GLIPR1L2: variants seen among roughly 807,000 people sequenced by gnomAD.
GLIPR1L2 encodes the protein GLIPR1 like 2.
Under a neutral mutation model 28.4 loss-of-function variants are expected in GLIPR1L2, and 21 were observed. That is an observed-to-expected ratio of 0.74 (90% CI 0.52 to 1.06). GLIPR1L2 has a LOEUF of 1.06. Among genes scored for constraint, GLIPR1L2 ranks in the 50% least tolerant of loss-of-function variants. The pLI, the probability that GLIPR1L2 is intolerant of heterozygous loss-of-function variation, is 0.00. For missense variants in GLIPR1L2, 476 were observed against 416.9 expected (o/e 1.14, Z -1.23); for synonymous variants, 145 against 139.3 (o/e 1.04, Z -0.29).
At chr12:75,397,876 C>T (rs1303437280) in intron 1 of GLIPR1L2, among the ~76,000 whole-genome samples, 2 of 152,160 alleles carry the variant, frequency 1.3e-5, no homozygotes, top group East Asian at 1.9e-4. Context: ...TCTATGGCTA[C>T]ATCTTCTTCC....
rs2046091964 is a variant in GLIPR1L2 at position 75,431,391 on chromosome 12, A to G, written c.*230A>G. 2.5e-6 allele frequency: 1 copy of G among 397,198 alleles called. No individual in the cohort carries two copies. The highest frequency in any genetic ancestry group is 2.1e-5 in the African/African-American group (1 of 48,532). The allele number at this position is 397,198 out of a possible 1,614,324, so 24.6% of individuals were successfully genotyped here. A position where few individuals can be genotyped will look rare whatever the true frequency, so the allele number is the denominator to read the frequency against. On this transcript the variant is annotated 3_prime_UTR_variant, in exon 6 of 6. Coordinates refer to ENST00000550916, the MANE Select transcript of GLIPR1L2 (RefSeq NM_001270396.2). Reference sequence around the variant, plus strand: ...TAAGGTGGGCTCTTTGACACTAAGAACAGATAAAGACATGACAGGAAAAAC... The same window carrying G: ...TAAGGTGGGCTCTTTGACACTAAGAGCAGATAAAGACATGACAGGAAAAAC...
chr12:75,401,629 G>A (rs771258072), intron 1 of GLIPR1L2, among the ~76,000 whole-genome samples: 28 of 151,924 alleles, frequency 1.8e-4, no homozygotes, highest in Non-Finnish European at 3.4e-4. Context: ...TCTGTTTTAT[G>A]CTCATAAAGA....
chr12:75,391,404 C>G, intron 1 of GLIPR1L2, 54 bp downstream of exon 1: 1 of 1,603,290 alleles, frequency 6.2e-7, no homozygotes, highest in South Asian at 1.1e-5. Flanking sequence ...CACAACGCCT[C>G]CCTGGATCTC....
intron 1 of GLIPR1L2, among the ~76,000 whole-genome samples, chr12:75,398,013 A>G (rs2045698712): frequency 6.9e-6 from 1 of 144,382 alleles, no homozygotes; most frequent in African/African-American, 2.6e-5. Flanking sequence ...CCTTCCTTTG[A>G]GCTCAGCTGT....
At chr12:75,423,465 A>G in intron 4 of GLIPR1L2, 1 of 877,962 alleles carries the variant, frequency 1.1e-6, no homozygotes, top group Non-Finnish European at 1.4e-6. Flanking sequence ...GTTTTTCCAA[A>G]CATGAGAGAA....
At chr12:75,423,270 C>T in intron 4 of GLIPR1L2, 4 of 1,225,786 alleles carry the variant, frequency 3.3e-6, no homozygotes, top group Non-Finnish European at 4.1e-6. Flanking sequence ...AAAAGCTTCA[C>T]AGTTTATGCC....
intron 2 of GLIPR1L2, among the ~76,000 whole-genome samples, chr12:75,410,999 A>G (rs887204669): frequency 4.0e-5 from 6 of 151,896 alleles, no homozygotes; most frequent in South Asian, 2.1e-4. Context: ...ATGATTGACT[A>G]TAAACATATG....
At chr12:75,401,571 C>T (rs1027937033) in intron 1 of GLIPR1L2, among the ~76,000 whole-genome samples, 9 of 151,766 alleles carry the variant, frequency 5.9e-5, no homozygotes, top group South Asian at 4.1e-4. Context: ...TATATAGCAA[C>T]GAACAAATAA....
intron 1 of GLIPR1L2, among the ~76,000 whole-genome samples, chr12:75,395,852 T>G (rs1481243402): frequency 6.6e-6 from 1 of 152,012 alleles, no homozygotes; most frequent in East Asian, 1.9e-4. Flanking sequence ...CTGTTGTTTT[T>G]CTGTTCTCTA....
At chr12:75,400,399 G>C (rs912243193) in intron 1 of GLIPR1L2, among the ~76,000 whole-genome samples, 2 of 152,184 alleles carry the variant, frequency 1.3e-5, no homozygotes, top group African/African-American at 4.8e-5. Context: ...TGGGATTACA[G>C]GCGTGAGCCA....
chr12:75,425,385 A>C (rs1196181585), intron 4 of GLIPR1L2, among the ~76,000 whole-genome samples: 2 of 152,166 alleles, frequency 1.3e-5, no homozygotes, highest in Non-Finnish European at 2.9e-5. Context: ...GCAATCACAC[A>C]TGAGGTGTCT....
Position 75,431,421 on chromosome 12 carries a change from A to G in GLIPR1L2, c.*260A>G. 2.9e-6 allele frequency: 1 copy of G among 340,354 alleles called. No homozygotes were observed. Among genetic ancestry groups the G allele is most frequent in the Non-Finnish European group, 5.3e-6 (1 of 189,514 alleles). 21.1% of individuals were successfully genotyped at this position (340,354 alleles called of 1,614,324 possible). On this transcript the variant is annotated 3_prime_UTR_variant, in exon 6 of 6. Coordinates refer to ENST00000550916, the MANE Select transcript of GLIPR1L2 (RefSeq NM_001270396.2). ...TAAAGACATGACAGGAAAAACACTG[A>G]AAAACATTTGACCAGTCTAATTAAT... is the stretch of plus-strand genomic sequence containing the variant.
In GLIPR1L2 at chr12:75,413,614, C is replaced by G. The variant is rs200975261; in HGVS notation, c.497C>G (p.Ser166Cys). The change falls in exon 3 of 6, where the codon TCT becomes TGT. Residue 166 changes from serine to cysteine, a missense_variant. Ser to Cys is a moderately radical substitution (Grantham distance 112). Transcript: ENST00000550916. The part of the protein sequence containing the change: ...SNYIQLVWDH[S>C]YKVGCAVTPC... ...TTATTTTAGCTTGTTTGGGACCACT[C>G]TTACAAAGTTGGTTGTGCTGTTACT... 1.3e-6 allele frequency: 2 copies of G among 1,553,488 alleles called. No individual in the cohort carries two copies. Among genetic ancestry groups the G allele is most frequent in the East Asian group, 2.4e-5 (1 of 41,358 alleles).
At chr12:75,401,026 T>G (rs2045735363) in intron 1 of GLIPR1L2, among the ~76,000 whole-genome samples, 1 of 151,956 alleles carries the variant, frequency 6.6e-6, no homozygotes, top group Non-Finnish European at 1.5e-5. Context: ...TCATAATGAT[T>G]TGATGTTGGT....
At chr12:75,429,340 G>A (rs1470846944) in intron 4 of GLIPR1L2, among the ~76,000 whole-genome samples, 1 of 152,206 alleles carries the variant, frequency 6.6e-6, no homozygotes, top group Non-Finnish European at 1.5e-5. Context: ...GAACTTGCAT[G>A]GGGCCTGTAG....
intron 1 of GLIPR1L2, among the ~76,000 whole-genome samples, chr12:75,392,616 C>G (rs2045638439): frequency 1.3e-5 from 2 of 151,962 alleles, no homozygotes; most frequent in African/African-American, 2.4e-5. Flanking sequence ...AACTAATTTC[C>G]CATTTTTTGT....
rs1418052918 is a variant in GLIPR1L2, at chr12:75,431,666, T to G, written c.*505T>G. 6.6e-6 allele frequency: 1 copy of G among 152,350 alleles called. No homozygotes were observed. The highest frequency in any genetic ancestry group is 1.5e-5 in the Non-Finnish European group (1 of 68,168). 9.4% of individuals were successfully genotyped at this position (152,350 alleles called of 1,614,324 possible). On this transcript the variant is annotated 3_prime_UTR_variant, in exon 6 of 6. Transcript: ENST00000550916. ...ATATTAAGGTATCTAATATTATTAT[T>G]TGTCTTTGTGGTTTTTGGAATAGTT... is the stretch of plus-strand genomic sequence containing the variant.
chr12:75,406,757 C>CAA lies in GLIPR1L2; in HGVS notation c.235-3661_235-3660dup, dbSNP rs373650750. Among the ~76,000 whole-genome samples the CAA allele has an allele frequency of 2.6e-3, 285 of 110,320 alleles. 2 individuals are homozygous for CAA. The highest frequency in any genetic ancestry group is 6.3e-3 in the East Asian group (24 of 3,814). The allele number at this position is 110,320 out of a possible 152,430, so 72.4% of individuals were successfully genotyped here. ...TGGGCAACAGAGCAAGTCCCTATCTCAAAAAAAAAAAAAAAAAGAGAGAGA... is the reference window on the plus strand; with the variant it reads ...TGGGCAACAGAGCAAGTCCCTATCTCAAAAAAAAAAAAAAAAAAAGAGAGAGA... On this transcript the variant is annotated intron_variant, in intron 1 of 5. Coordinates refer to ENST00000550916, the MANE Select transcript of GLIPR1L2 (RefSeq NM_001270396.2).
chr12:75,420,820 C>A (rs2045969008), intron 3 of GLIPR1L2, among the ~76,000 whole-genome samples: 1 of 152,192 alleles, frequency 6.6e-6, no homozygotes, highest in Non-Finnish European at 1.5e-5. Flanking sequence ...CCTGACATTT[C>A]TGGCTGTCTA....
Sources: gnomAD v4.1 joint callset for allele counts (sites outside exome capture counted in the v4.1 genomes callset) on GRCh38, gnomAD v4.1.1 for gene constraint, MANE v1.5 for transcripts, NCBI Gene and HGNC (gene_info 2026-07-23, HGNC 2026-07-21) for gene names.